The following ANKS6 variants were observed in gnomAD, a reference collection of about 807,000 sequenced individuals.
ANKS6 encodes ankyrin repeat and sterile alpha motif domain containing 6, also known as ankyrin repeat and SAM domain-containing protein 6.
Under a neutral mutation model 77.9 loss-of-function variants are expected in ANKS6, and 47 were observed. The observed-to-expected ratio is 0.60, with a 90% CI of 0.48 to 0.77. The LOEUF (loss-of-function observed/expected upper bound fraction) is 0.77, where lower values mean the gene tolerates loss of function less well. Ranked by LOEUF, ANKS6 falls within the 30% of genes least tolerant of loss-of-function variation. The probability of loss-of-function intolerance (pLI) is 0.00; values close to 1 mark genes in which losing one functional copy is unlikely to be tolerated. For synonymous variants in ANKS6, 488 were observed against 501.7 expected, an observed-to-expected ratio of 0.97 and a Z score of 0.37; for missense variants, 1,150 against 1,159.1, an observed-to-expected ratio of 0.99 and a Z score of 0.11.
intron 14 of ANKS6, among the ~76,000 whole-genome samples, chr9:98,737,679 A>G (rs911541186): frequency 1.3e-5 from 2 of 152,246 alleles, no homozygotes; most frequent in Admixed American, 1.3e-4. Context: ...TACAAATTCA[A>G]TGCAATTCCC....
At chr9:98,756,745 A>C (rs1202633308) in intron 11 of ANKS6, 142 bp from the exon 12 acceptor site, 1 of 719,368 alleles carries the variant, frequency 1.4e-6, no homozygotes, top group Non-Finnish European at 2.0e-6. Context: ...ACTTTTAAAA[A>C]CATGGAAAGC....
chr9:98,733,708 GA>G lies in ANKS6; in HGVS notation c.*2810del. 1.0e-6 allele frequency: 1 copy of G among 985,458 alleles called. No homozygotes were observed. The highest frequency in any genetic ancestry group is 1.2e-6 in the Non-Finnish European group (1 of 829,954). The allele number at this position is 985,458 out of a possible 1,614,324, so 61.0% of individuals were successfully genotyped here. On this transcript the variant is annotated 3_prime_UTR_variant, in exon 15 of 15. Transcript: ENST00000353234. ...GTTTCTTGGCCCTGTGAAGAGGCCT[GA>G]CCCATGCTGGCATGCTGAAGGTTGT... is the stretch of plus-strand genomic sequence containing the variant.
At chr9:98,740,504 T>G (rs1329221534) in intron 14 of ANKS6, among the ~76,000 whole-genome samples, 2 of 152,164 alleles carry the variant, frequency 1.3e-5, no homozygotes. Flanking sequence ...AAGCTCACCC[T>G]GAGATAATGA....
rs1244310169 is a variant in ANKS6 at position 98,796,343 on chromosome 9, GCCGGCTCCGCGCCCGCCT to G, written c.131_148del (p.Glu44_Pro49del). On this transcript the variant is annotated inframe_deletion, in exon 1 of 15. Transcript: ENST00000353234. ...CCCGGGCCCGGCCACCTCGGCCCCC[GCCGGCTCCGCGCCCGCCT>G]CCGGCTCCGCGCCGCGCTCGGCTGG... 58 of 1,172,236 alleles carry G rather than the reference GCCGGCTCCGCGCCCGCCT, an allele frequency of 4.9e-5. No homozygotes were observed. Among genetic ancestry groups the G allele is most frequent in the Non-Finnish European group, 5.9e-5 (56 of 951,138 alleles). 72.6% of individuals were successfully genotyped at this position (1,172,236 alleles called of 1,614,324 possible). A position where few individuals can be genotyped will look rare whatever the true frequency, so the allele number is the denominator to read the frequency against.
intron 10 of ANKS6, among the ~76,000 whole-genome samples, chr9:98,770,160 A>G (rs929587586): frequency 6.6e-6 from 1 of 152,126 alleles, no homozygotes; most frequent in African/African-American, 2.4e-5. Flanking sequence ...ATGATAGTGA[A>G]TAACTCTCAT....
chr9:98,764,237 A>G (rs563725858), intron 11 of ANKS6, among the ~76,000 whole-genome samples: 1 of 152,224 alleles, frequency 6.6e-6, no homozygotes, highest in Non-Finnish European at 1.5e-5. Context: ...GTTTCTCTGT[A>G]TGTAATTTCT....
Position 98,732,691 on chromosome 9 carries a change from G to A in ANKS6, c.*3828C>T. The A allele has an allele frequency of 6.8e-7, 1 of 1,471,772 alleles. No individual in the cohort carries two copies. The highest frequency in any genetic ancestry group is 2.5e-5 in the East Asian group (1 of 40,208). The allele number at this position is 1,471,772 out of a possible 1,614,324, so 91.2% of individuals were successfully genotyped here. On this transcript the variant is annotated 3_prime_UTR_variant, in exon 15 of 15. Coordinates refer to ENST00000353234, the MANE Select transcript of ANKS6 (RefSeq NM_173551.5). ...GCTTTCTCACTTTCACATGATCCCTGGGGGCTACTATCCCCCTGTAACCAA... is the reference window on the plus strand; with the variant it reads ...GCTTTCTCACTTTCACATGATCCCTAGGGGCTACTATCCCCCTGTAACCAA...
chr9:98,758,844 T>A (rs1832859478), intron 11 of ANKS6, among the ~76,000 whole-genome samples: 1 of 152,204 alleles, frequency 6.6e-6, no homozygotes, highest in Non-Finnish European at 1.5e-5. Context: ...CTGGTAAGGA[T>A]AACAGAATTG....
intron 11 of ANKS6, among the ~76,000 whole-genome samples, chr9:98,759,442 C>A (rs1832897372): frequency 6.6e-6 from 1 of 152,200 alleles, no homozygotes; most frequent in Admixed American, 6.5e-5. Flanking sequence ...TATCCAAACA[C>A]AGCATCAAAT....
At chr9:98,783,259 G>A (rs1020414701) in intron 4 of ANKS6, among the ~76,000 whole-genome samples, 5 of 152,226 alleles carry the variant, frequency 3.3e-5, no homozygotes, top group Admixed American at 3.3e-4. Flanking sequence ...ACAGACCAAG[G>A]TGTCTGAAAT....
intron 11 of ANKS6, among the ~76,000 whole-genome samples, chr9:98,758,324 C>CTTTTTTTTT (rs35699060): frequency 7.4e-6 from 1 of 134,838 alleles, no homozygotes; most frequent in Non-Finnish European, 1.6e-5. Context: ...CGCCATCTTT[C>CTTTTTTTTT]TTTTTTTTTT....
In ANKS6 at chr9:98,745,689, G is replaced by A. The variant is rs1307097884; in HGVS notation, c.2395-14C>T. On this transcript the variant is annotated splice_polypyrimidine_tract_variant and intron_variant, in intron 13 of 14. Coordinates refer to ENST00000353234, the MANE Select transcript of ANKS6 (RefSeq NM_173551.5). ...TTCCATGTCCACCTGGGGAGAGAGA[G>A]GGGATTTGCCACCATCTGCTGGATG... 3 of 1,603,924 alleles carry A rather than the reference G, an allele frequency of 1.9e-6. No individual in the cohort carries two copies. The highest frequency in any genetic ancestry group is 3.3e-5 in the Admixed American group (2 of 60,000).
chr9:98,768,007 T>C, intron 11 of ANKS6, 74 bp downstream of exon 11: 2 of 1,515,726 alleles, frequency 1.3e-6, no homozygotes, highest in Non-Finnish European at 1.8e-6. Flanking sequence ...GCACTGCCCA[T>C]GCTTCCCGGC....
At chr9:98,760,438 C>T (rs1393391609) in intron 11 of ANKS6, among the ~76,000 whole-genome samples, 1 of 152,212 alleles carries the variant, frequency 6.6e-6, no homozygotes, top group East Asian at 1.9e-4. Flanking sequence ...CTGGTCTTTG[C>T]TGTGACTGGT....
intron 11 of ANKS6, among the ~76,000 whole-genome samples, chr9:98,762,488 C>T (rs1010219692): frequency 6.6e-6 from 1 of 152,144 alleles, no homozygotes; most frequent in African/African-American, 2.4e-5. Flanking sequence ...AGACAACATC[C>T]TTGTTCCCAG....
chr9:98,784,329 C>A, intron 3 of ANKS6, 172 bp from the exon 4 acceptor site: 1 of 557,190 alleles, frequency 1.8e-6, no homozygotes, highest in Non-Finnish European at 3.0e-6. Flanking sequence ...CTCTTAAATG[C>A]CTCAGTCTAG....
chr9:98,745,697 G>A (rs1264676231), intron 13 of ANKS6, 22 bp from the exon 14 acceptor site: 3 of 1,576,808 alleles, frequency 1.9e-6, no homozygotes, highest in African/African-American at 2.7e-5. Context: ...GAGGGGATTT[G>A]CCACCATCTG....
chr9:98,773,760 G>GAA, intron 9 of ANKS6, 117 bp downstream of exon 9: 3 of 874,068 alleles, frequency 3.4e-6, no homozygotes, highest in Non-Finnish European at 3.2e-6. Context: ...CCATTCAAAA[G>GAA]AAAAAAAAAG....
At position 98,796,290 on chromosome 9, in the gene ANKS6, G is replaced by C. The variant is rs1040598018; in HGVS notation, c.202C>G (p.Pro68Ala). 7.8e-7 allele frequency: 1 copy of C among 1,290,158 alleles called. No homozygotes were observed. Among genetic ancestry groups the C allele is most frequent in the Non-Finnish European group, 9.8e-7 (1 of 1,016,442 alleles). 79.9% of individuals were successfully genotyped at this position (1,290,158 alleles called of 1,614,324 possible). A position where few individuals can be genotyped will look rare whatever the true frequency, so the allele number is the denominator to read the frequency against. The change falls in exon 1 of 15, where the codon CCG (proline) becomes GCG (alanine). Residue 68 changes from proline (P) to alanine (A), a missense_variant. Transcript: ENST00000353234. Reference sequence around the variant, plus strand: ...TCGTCCGAGCAATCCACGGGCACCGGAGCCCCGACTGCCCCCGCCGCTGCG... The same window carrying C: ...TCGTCCGAGCAATCCACGGGCACCGCAGCCCCGACTGCCCCCGCCGCTGCG... ...GAAAAGAVGA[P>A]VPVDCSDEAG...
Sources: gnomAD v4.1 joint callset for allele counts (sites outside exome capture counted in the v4.1 genomes callset) on GRCh38, gnomAD v4.1.1 for gene constraint, MANE v1.5 for transcripts, NCBI Gene and HGNC (gene_info 2026-07-23, HGNC 2026-07-21) for gene names.